ISL2: variants seen among roughly 807,000 people sequenced by gnomAD.
The protein encoded by ISL2 is ISL LIM homeobox 2.
A neutral mutation model predicts 34.6 loss-of-function variants in ISL2; 17 were observed. The ratio of observed to expected loss-of-function variants is 0.49; its 90% CI spans 0.34 to 0.74. The LOEUF is 0.74. ISL2 is among the 30% of genes least tolerant of loss of function. The probability of loss-of-function intolerance (pLI) is 0.01; values close to 1 mark genes in which losing one functional copy is unlikely to be tolerated. For missense variants in ISL2, 469 were observed against 515.2 expected, an observed-to-expected ratio of 0.91 and a Z score of 0.87; for synonymous variants, 232 against 225.5, an observed-to-expected ratio of 1.03 and a Z score of -0.26.
chr15:76,341,270 G>C lies in ISL2; in HGVS notation c.932G>C (p.Ser311Thr). The change falls in exon 5 of 6, where the codon AGC (serine) becomes ACC (threonine). Residue 311 changes from serine to threonine, a missense_variant. Coordinates refer to ENST00000290759, the MANE Select transcript of ISL2 (RefSeq NM_145805.3). ...WKALSEFALQ[S>T]DLDQPAFQQL... Reference sequence around the variant, plus strand: ...GCGCTCAGCGAGTTTGCCCTCCAGAGCGACCTGGACCAACCCGCCTTCCAA... The same window carrying C: ...GCGCTCAGCGAGTTTGCCCTCCAGACCGACCTGGACCAACCCGCCTTCCAA... The C allele has an allele frequency of 6.2e-7, 1 of 1,608,428 alleles. No homozygotes were observed. The highest frequency in any genetic ancestry group is 8.5e-7 in the Non-Finnish European group (1 of 1,177,886).
intron 3 of ISL2, chr15:76,338,909 T>C: frequency 1.0e-6 from 1 of 985,434 alleles, no homozygotes; most frequent in South Asian, 4.7e-5. Flanking sequence ...CCCAGGGGTA[T>C]GTGTGTAAGT....
chr15:76,340,346 G>A lies in ISL2; in HGVS notation c.582G>A (p.Val194=), dbSNP rs760029256. The stretch of plus-strand genomic sequence containing the variant: ...AGCAGACGGAGAAGACGACCCGCGT[G>A]CGGACTGTGCTGAACGAGAAGCAGC... ...VHKQTEKTTR[V]RTVLNEKQLH... The change falls in exon 4 of 6, where the codon GTG becomes GTA. Residue 194 remains valine, a synonymous_variant. Coordinates refer to ENST00000290759, the MANE Select transcript of ISL2 (RefSeq NM_145805.3). 7 of 1,612,788 alleles carry A rather than the reference G, an allele frequency of 4.3e-6. No homozygotes were observed. The South Asian group carries it at 7.7e-5, about 18-fold the overall frequency.
At chr15:76,338,082 C>A in intron 2 of ISL2, 115 bp downstream of exon 2, 1 of 1,314,186 alleles carries the variant, frequency 7.6e-7, no homozygotes, top group Non-Finnish European at 9.9e-7. Context: ...CCATCCGCAT[C>A]CCGCACGGGT....
chr15:76,340,354 T>C lies in ISL2; in HGVS notation c.590T>C (p.Val197Ala). 6.2e-7 allele frequency: 1 copy of C among 1,613,100 alleles called. No individual in the cohort carries two copies. The highest frequency in any genetic ancestry group is 8.5e-7 in the Non-Finnish European group (1 of 1,179,926). Residue 197 changes from valine to alanine, a missense_variant, in exon 4 of 6, where the codon GTG (valine) becomes GCG (alanine). Coordinates refer to ENST00000290759, the MANE Select transcript of ISL2 (RefSeq NM_145805.3). ...GAGAAGACGACCCGCGTGCGGACTG[T>C]GCTGAACGAGAAGCAGCTGCACACT... ...QTEKTTRVRTVLNEKQLHTLR... is the reference protein window; with the variant it reads ...QTEKTTRVRTALNEKQLHTLR...
At chr15:76,340,639 C>A in intron 4 of ISL2, 80 bp downstream of exon 4, 1 of 1,427,304 alleles carries the variant, frequency 7.0e-7, no homozygotes, top group Non-Finnish European at 9.6e-7. Flanking sequence ...CTTTTCTGGG[C>A]GAGCCCTGGG....
intron 4 of ISL2, 46 bp downstream of exon 4, chr15:76,340,605 C>T: frequency 6.4e-7 from 1 of 1,562,342 alleles, no homozygotes; most frequent in South Asian, 1.2e-5. Flanking sequence ...GGGGGCTGCG[C>T]TTCCGCCGCG....
rs772878310 is a variant in ISL2 at position 76,340,567 on chromosome 15, G to A, written c.795+8G>A. The stretch of plus-strand genomic sequence containing the variant: ...CAGCACAGCGACAAGACGGTGAGCA[G>A]CCGCTGGGCCGGAGGCTCGAGTCGG... On this transcript the variant is annotated splice_region_variant and intron_variant, in intron 4 of 5. Coordinates refer to ENST00000290759, the MANE Select transcript of ISL2 (RefSeq NM_145805.3). 40 of 1,595,890 alleles carry A rather than the reference G, an allele frequency of 2.5e-5. No individual in the cohort carries two copies. Among genetic ancestry groups the A allele is most frequent in the Non-Finnish European group, 3.3e-5 (39 of 1,168,312 alleles).
intron 5 of ISL2, 24 bp downstream of exon 5, chr15:76,341,325 C>G (rs937986552): frequency 6.3e-7 from 1 of 1,575,476 alleles, no homozygotes; most frequent in Non-Finnish European, 8.6e-7. Context: ...CTACCCGCCC[C>G]GACCTCGGGA....
chr15:76,340,592 G>A (rs1380339333), intron 4 of ISL2, 33 bp downstream of exon 4: 2 of 1,581,808 alleles, frequency 1.3e-6, no homozygotes, highest in Admixed American at 3.5e-5. Flanking sequence ...GCTCGAGTCG[G>A]GTGGGGGCTG....
At position 76,338,380 on chromosome 15, in the gene ISL2, C is replaced by G; in HGVS notation, c.377C>G (p.Pro126Arg). 6.5e-7 allele frequency: 1 copy of G among 1,547,324 alleles called. No individual in the cohort carries two copies. Among genetic ancestry groups the G allele is most frequent in the Non-Finnish European group, 8.7e-7 (1 of 1,155,764 alleles). ...RCSVCSRQLLPGDEFSLREHE... is the reference protein window; with the variant it reads ...RCSVCSRQLLRGDEFSLREHE... The stretch of plus-strand genomic sequence containing the variant: ...TCCGTGTGCAGCCGCCAGCTGCTGC[C>G]TGGGGACGAGTTCTCGCTGCGGGAG... Residue 126 changes from proline (P) to arginine (R), a missense_variant, in exon 3 of 6, where the codon CCT becomes CGT. Pro to Arg is a moderately radical substitution (Grantham distance 103). Coordinates refer to ENST00000290759, the MANE Select transcript of ISL2 (RefSeq NM_145805.3).
At chr15:76,336,990 T>G (rs1454526490) in intron 1 of ISL2, 49 bp downstream of exon 1, 1 of 1,505,796 alleles carries the variant, frequency 6.6e-7, no homozygotes, top group Non-Finnish European at 9.2e-7. Flanking sequence ...GTATGCTTAA[T>G]ATGCAAAATT....
At chr15:76,339,047 G>A (rs2040173346) in intron 3 of ISL2, 1 of 985,226 alleles carries the variant, frequency 1.0e-6, no homozygotes, top group Non-Finnish European at 1.2e-6. Flanking sequence ...GGTTCTTCTG[G>A]GGGAGGGGGA....
At chr15:76,339,316 A>G in intron 3 of ISL2, 24 of 984,558 alleles carry the variant, frequency 2.4e-5, no homozygotes, top group Non-Finnish European at 2.9e-5. Flanking sequence ...TAGAAAGAGG[A>G]AACTGGGCTG....
intron 5 of ISL2, 86 bp from the exon 6 acceptor site, chr15:76,341,633 C>T: frequency 9.5e-7 from 1 of 1,051,158 alleles, no homozygotes; most frequent in South Asian, 1.3e-5. Context: ...CCCCAAGGGA[C>T]ACTTTCCGAC....
rs1436384891 is a variant in ISL2 at position 76,341,136 on chromosome 15, C to A, written c.798C>A (p.Ser266Arg). ...LQQQQHSDKT[S>R]LQGLTGTPLV... ...ACTGCCTTCTGCTTGCCCCGCAGAG[C>A]CTTCAGGGACTGACTGGGACGCCCC... The change falls in exon 5 of 6, where the codon AGC (serine) becomes AGA (arginine). Residue 266 changes from serine (S) to arginine (R), a missense_variant and splice_region_variant. Physicochemically the swap from Ser to Arg is moderately radical, Grantham distance 110 (BLOSUM62 -1). Coordinates refer to ENST00000290759, the MANE Select transcript of ISL2 (RefSeq NM_145805.3). The A allele has an allele frequency of 1.9e-6, 3 of 1,588,402 alleles. No individual in the cohort carries two copies. The highest frequency in any genetic ancestry group is 2.3e-5 in the South Asian group (2 of 88,700).
rs762320271 is a variant in ISL2 at position 76,338,422 on chromosome 15, G to T, written c.419G>T (p.Arg140Leu). The T allele has an allele frequency of 6.0e-6, 9 of 1,500,450 alleles. No homozygotes were observed. The highest frequency in any genetic ancestry group is 6.2e-6 in the Non-Finnish European group (7 of 1,133,028). 92.9% of individuals were successfully genotyped at this position (1,500,450 alleles called of 1,614,324 possible). A position where few individuals can be genotyped will look rare whatever the true frequency, so the allele number is the denominator to read the frequency against. Residue 140 changes from arginine to leucine, a missense_variant, in exon 3 of 6, where the codon CGC becomes CTC. Physicochemically the swap from Arg to Leu is moderately radical, Grantham distance 102. Around this residue, in one of 3 missense-constraint regions of ISL2, gnomAD observed 297 missense variants for 337.8 expected, o/e 0.88. Coordinates refer to ENST00000290759, the MANE Select transcript of ISL2 (RefSeq NM_145805.3). The stretch of plus-strand genomic sequence containing the variant: ...CTGCGGGAGCACGAGCTGCTCTGCC[G>T]CGCCGACCACGGCCTCCTGCTCGAG... ...FSLREHELLC[R>L]ADHGLLLERA...
chr15:76,340,226 G>T (rs1018029539), intron 3 of ISL2, 50 bp from the exon 4 acceptor site: 1 of 1,488,822 alleles, frequency 6.7e-7, no homozygotes, highest in Non-Finnish European at 8.9e-7. Flanking sequence ...GGCTCGGGGC[G>T]GGTGGGTGGC....
chr15:76,341,188 G>C lies in ISL2; in HGVS notation c.850G>C (p.Glu284Gln), dbSNP rs2040190502. 7.4e-6 allele frequency: 12 copies of C among 1,612,984 alleles called. No homozygotes were observed. The East Asian group carries it at 2.7e-4, about 36-fold the overall frequency. Residue 284 changes from glutamate (E) to glutamine (Q), a missense_variant, in exon 5 of 6, where the codon GAG becomes CAG. Glu to Gln is a conservative substitution (Grantham distance 29). Around this residue, in one of 3 missense-constraint regions of ISL2, gnomAD observed 169 missense variants for 154.2 expected, o/e 1.10. Coordinates refer to ENST00000290759, the MANE Select transcript of ISL2 (RefSeq NM_145805.3). ...GGTGGCGGGCAGTCCCATCCGCCAT[G>C]AGAACGCCGTGCAGGGCAGCGCAGT... ...PLVAGSPIRHENAVQGSAVEV... is the reference protein window; with the variant it reads ...PLVAGSPIRHQNAVQGSAVEV...
chr15:76,339,955 G>T, intron 3 of ISL2: 1 of 1,167,072 alleles, frequency 8.6e-7, no homozygotes, highest in Non-Finnish European at 1.1e-6. Flanking sequence ...TCGTTCCGAG[G>T]GTCCTGCGAC....
Sources: allele counts gnomAD v4.1 joint callset, GRCh38; gene constraint gnomAD v4.1.1; regional missense constraint gnomAD v4.1.1; transcripts MANE v1.5; gene names NCBI Gene and HGNC (gene_info 2026-07-23, HGNC 2026-07-21).